The following PASD1 variants were observed in gnomAD, a reference collection of about 807,000 sequenced individuals.
PASD1 encodes PAS domain containing repressor 1.
PASD1 carries 13 observed loss-of-function variants against 58.8 expected under a neutral mutation model. The observed-to-expected ratio is 0.22, with a 90% CI of 0.14 to 0.35. PASD1 has a LOEUF of 0.35. Ranked by LOEUF, PASD1 falls within the 10% of genes least tolerant of loss-of-function variation. The pLI is 1.00. For synonymous variants in PASD1, 236 were observed against 216.7 expected, an observed-to-expected ratio of 1.09 and a Z score of -0.78; for missense variants, 734 against 568.3, an observed-to-expected ratio of 1.29 and a Z score of -2.96.
intron 1 of PASD1, among the ~76,000 whole-genome samples, chrX:151,580,894 TTACTA>T (rs2013080478): frequency 9.0e-6 from 1 of 111,301 alleles, no homozygotes; most frequent in African/African-American, 3.3e-5. Context: ...AAAGTATTGT[TTACTA>T]TACAGTAAAA....
Position 151,672,210 on chromosome X carries a change from C to T in PASD1, c.1465C>T (p.Leu489=), listed in dbSNP as rs750330434. The T allele has an allele frequency of 4.4e-5, 51 of 1,159,568 alleles. No individual in the cohort carries two copies. Among genetic ancestry groups the T allele is most frequent in the Non-Finnish European group, 5.7e-5 (50 of 871,203 alleles). ...QQQLVQQEQH[L]KEQQRQLREQ... Reference sequence around the variant, plus strand: ...GCAACTGGTGCAGCAAGAACAACACCTGAAGGAGCAGCAGCGGCAGCTGCG... The same window carrying T: ...GCAACTGGTGCAGCAAGAACAACACTTGAAGGAGCAGCAGCGGCAGCTGCG... The change falls in exon 14 of 16, where the codon CTG becomes TTG. Residue 489 remains leucine, a synonymous_variant. Coordinates refer to ENST00000370357, the MANE Select transcript of PASD1 (RefSeq NM_173493.3).
chrX:151,647,089 T>C (rs2014070060), intron 8 of PASD1, among the ~76,000 whole-genome samples: 1 of 111,605 alleles, frequency 9.0e-6, no homozygotes, highest in African/African-American at 3.3e-5. Context: ...CCATGTTGAA[T>C]TGAGGTTAGA....
intron 1 of PASD1, among the ~76,000 whole-genome samples, chrX:151,585,815 C>CT (rs1569399703): frequency 8.9e-6 from 1 of 112,052 alleles, no homozygotes; most frequent in Non-Finnish European, 1.9e-5. Flanking sequence ...ACCTGGCTTT[C>CT]TACTCCTTTC....
chrX:151,591,130 T>C lies in PASD1; in HGVS notation c.-27-10397T>C, dbSNP rs762825068. Among the ~76,000 whole-genome samples the C allele has an allele frequency of 1.9e-3, 211 of 111,259 alleles. 3 individuals carry two copies. The highest frequency in any genetic ancestry group is 6.5e-3 in the African/African-American group (200 of 30,585). On this transcript the variant is annotated intron_variant, in intron 1 of 15. Coordinates refer to ENST00000370357, the MANE Select transcript of PASD1 (RefSeq NM_173493.3). ...CTTGGAAGTTTTGAGACTGAGAGAG[T>C]TAGACTGAGGATTCTTTTGACTGTG...
intron 7 of PASD1, among the ~76,000 whole-genome samples, chrX:151,623,824 C>G (rs1262804561): frequency 9.0e-6 from 1 of 111,482 alleles, no homozygotes; most frequent in Non-Finnish European, 1.9e-5. Context: ...GATGGTTCAA[C>G]ATCTGTAAAA....
intron 9 of PASD1, among the ~76,000 whole-genome samples, chrX:151,658,232 C>T (rs1193343785): frequency 1.8e-5 from 2 of 112,221 alleles, no homozygotes; most frequent in Non-Finnish European, 3.8e-5. Flanking sequence ...ACTGTAAAAG[C>T]ATGTTGATTT....
intron 11 of PASD1, among the ~76,000 whole-genome samples, chrX:151,667,275 T>C (rs5924992): frequency 0.37 from 41,215 of 110,996 alleles, 6,103 homozygotes; most frequent in East Asian, 0.97. Context: ...TAGATTCTGG[T>C]TATTAGCCGT....
At chrX:151,600,311 G>A (rs2013397441) in intron 1 of PASD1, among the ~76,000 whole-genome samples, 1 of 108,141 alleles carries the variant, frequency 9.2e-6, no homozygotes, top group African/African-American at 3.4e-5. Flanking sequence ...AGACGGGAGC[G>A]AGAGAGGGGG....
intron 11 of PASD1, among the ~76,000 whole-genome samples, chrX:151,668,917 T>A (rs201802019): frequency 5.8e-4 from 1 of 1,728 alleles, no homozygotes; most frequent in Non-Finnish European, 0.05. Context: ...AAAAAAGAGA[T>A]TTTTTTTTTT....
chrX:151,669,881 C>T lies in PASD1; in HGVS notation c.1072-1157C>T, dbSNP rs1008904489. Among the ~76,000 whole-genome samples the T allele has an allele frequency of 7.2e-5, 8 of 111,769 alleles. No individual in the cohort carries two copies. In the Admixed American group the frequency reaches 7.6e-4, roughly 11 times the overall value. On this transcript the variant is annotated intron_variant, in intron 11 of 15. Transcript: ENST00000370357. ...GGAGTGCAGATACCTTTTTGATCTA[C>T]TGATTTCCTTTCTTCTGGTGTATAC... is the stretch of plus-strand genomic sequence containing the variant.
intron 1 of PASD1, among the ~76,000 whole-genome samples, chrX:151,571,772 C>T (rs1979404984): frequency 8.9e-6 from 1 of 112,038 alleles, no homozygotes; most frequent in Non-Finnish European, 1.9e-5. Context: ...CCCTTTTGAC[C>T]TTCAGCTACT....
At chrX:151,664,077 T>G (rs772417637) in intron 10 of PASD1, 42 bp from the exon 11 acceptor site, 1 of 1,207,831 alleles carries the variant, frequency 8.3e-7, no homozygotes, top group African/African-American at 1.7e-5. Flanking sequence ...ATTAGTACTT[T>G]TGCTTTTTAA....
At chrX:151,648,072 A>G (rs1225198105) in intron 8 of PASD1, among the ~76,000 whole-genome samples, 1 of 111,370 alleles carries the variant, frequency 9.0e-6, no homozygotes, top group Non-Finnish European at 1.9e-5. Flanking sequence ...TATCAATATT[A>G]GAAATAAGAT....
At chrX:151,669,609 A>G (rs764230301) in intron 11 of PASD1, among the ~76,000 whole-genome samples, 4 of 110,877 alleles carry the variant, frequency 3.6e-5, no homozygotes, top group African/African-American at 1.3e-4. Flanking sequence ...TGATATCAAC[A>G]TTTTTAACTT....
chrX:151,664,963 A>G (rs1365184970), intron 11 of PASD1, among the ~76,000 whole-genome samples: 1 of 112,221 alleles, frequency 8.9e-6, no homozygotes, highest in Admixed American at 9.4e-5. Flanking sequence ...ATCATCTTTT[A>G]TATTAGACAG....
intron 10 of PASD1, among the ~76,000 whole-genome samples, 168 bp downstream of exon 10, chrX:151,660,004 T>A (rs934137683): frequency 1.7e-4 from 19 of 112,641 alleles, no homozygotes; most frequent in Admixed American, 2.8e-4. Context: ...GATTTGAGAA[T>A]AATAAAAATG....
chrX:151,564,231 G>A lies in PASD1; in HGVS notation c.-28+392G>A, dbSNP rs775607594. Among the ~76,000 whole-genome samples the A allele has an allele frequency of 5.3e-4, 60 of 112,918 alleles. No homozygotes were observed. In the South Asian group the frequency reaches 0.021, roughly 40 times the overall value. On this transcript the variant is annotated intron_variant, in intron 1 of 15. Coordinates refer to ENST00000370357, the MANE Select transcript of PASD1 (RefSeq NM_173493.3). ...CTGAGCGGGCGGTTCGGGTGAGAAC[G>A]CCAGGCTCTGTCCGGCAGGTCTGGG...
intron 1 of PASD1, among the ~76,000 whole-genome samples, chrX:151,585,218 ACT>A (rs1246477509): frequency 6.3e-5 from 7 of 111,642 alleles, no homozygotes; most frequent in African/African-American, 2.3e-4. Context: ...CTTATACCAG[ACT>A]CTCTGGATTC....
At chrX:151,569,775 G>A (rs1415718098) in intron 1 of PASD1, among the ~76,000 whole-genome samples, 1 of 110,624 alleles carries the variant, frequency 9.0e-6, no homozygotes, top group African/African-American at 3.3e-5. Context: ...GAGGGGCTCT[G>A]GCATCAGGTA....
Sources: gnomAD v4.1 joint callset for allele counts (sites outside exome capture counted in the v4.1 genomes callset) on GRCh38, gnomAD v4.1.1 for gene constraint, MANE v1.5 for transcripts, NCBI Gene and HGNC (gene_info 2026-07-23, HGNC 2026-07-21) for gene names.